The following CLCA1 variants were observed in gnomAD, a reference collection of about 807,000 sequenced individuals.
CLCA1 encodes calcium-activated chloride channel regulator 1.
A neutral mutation model predicts 85.6 loss-of-function variants in CLCA1; 59 were observed. That is an observed-to-expected ratio of 0.69 (90% CI 0.56 to 0.86). CLCA1 has a LOEUF of 0.86. CLCA1 is among the 40% of genes least tolerant of loss of function. CLCA1 has a pLI of 0.00. For synonymous variants in CLCA1, 396 were observed against 398.3 expected, an observed-to-expected ratio of 0.99 and a Z score of 0.07; for missense variants, 1,022 against 1,101.4, an observed-to-expected ratio of 0.93 and a Z score of 1.02.
rs1647933155 is a variant in CLCA1, at chr1:86,485,329, A to T, written c.736-14A>T. On this transcript the variant is annotated splice_polypyrimidine_tract_variant and intron_variant, in intron 5 of 13. Transcript: ENST00000394711. ...AGTTTACCATTATCTATATAATTTC[A>T]TTGACAATTTCAGATAGTTGAATTC... The T allele has an allele frequency of 1.3e-6, 2 of 1,583,126 alleles. No homozygotes were observed. The highest frequency in any genetic ancestry group is 4.5e-5 in the East Asian group (2 of 44,640).
At chr1:86,494,567 T>A in intron 11 of CLCA1, 119 bp downstream of exon 11, 1 of 1,049,620 alleles carries the variant, frequency 9.5e-7, no homozygotes, top group Non-Finnish European at 1.4e-6. Flanking sequence ...AGCACTGAGG[T>A]CTGGTTGGGA....
At chr1:86,480,775 A>G (rs555632510) in intron 4 of CLCA1, among the ~76,000 whole-genome samples, 1 of 152,322 alleles carries the variant, frequency 6.6e-6, no homozygotes, top group Non-Finnish European at 1.5e-5. Context: ...GCTCTCACAG[A>G]TGGTTGTTAG....
chr1:86,486,956 G>A (rs1647998507), intron 7 of CLCA1, among the ~76,000 whole-genome samples: 1 of 152,212 alleles, frequency 6.6e-6, no homozygotes, highest in African/African-American at 2.4e-5. Flanking sequence ...TAAGGTCTCA[G>A]AACCTTGCAG....
chr1:86,479,354 G>A (rs1647758489), intron 4 of CLCA1, among the ~76,000 whole-genome samples: 1 of 152,126 alleles, frequency 6.6e-6, no homozygotes, highest in Non-Finnish European at 1.5e-5. Flanking sequence ...TTCTCAAGGG[G>A]TTAAAAGAAA....
rs1648190649 is a variant in CLCA1 at position 86,493,469 on chromosome 1, TG to T, written c.1551del (p.Leu517PhefsTer27). ...GACAGCACCGTGGGAAAGGACACTT[TG>T]TTTCTTATCACCTGGACAATGCAGC... ...IVDSTVGKDT[L>X]FLITWTMQPP... On this transcript the variant is annotated frameshift_variant, in exon 10 of 14. Transcript: ENST00000394711. LOFTEE classifies it high-confidence loss of function. 6.2e-7 allele frequency: 1 copy of T among 1,613,958 alleles called. No homozygotes were observed. Among genetic ancestry groups the T allele is most frequent in the African/African-American group, 1.3e-5 (1 of 74,918 alleles).
intron 1 of CLCA1, among the ~76,000 whole-genome samples, chr1:86,473,115 T>C (rs1456073321): frequency 6.6e-6 from 1 of 152,212 alleles, no homozygotes; most frequent in East Asian, 1.9e-4. Context: ...TATTCCATTT[T>C]GTTAATGGGA....
intron 5 of CLCA1, 117 bp downstream of exon 5, chr1:86,482,499 A>C (rs1003892836): frequency 2.1e-6 from 2 of 970,522 alleles, no homozygotes; most frequent in African/African-American, 1.6e-5. Flanking sequence ...GCAGTGGATT[A>C]TCTCTGGGAC....
chr1:86,476,623 C>T (rs1192738259), intron 4 of CLCA1, 70 bp downstream of exon 4: 2 of 706,148 alleles, frequency 2.8e-6, no homozygotes, highest in East Asian at 5.5e-5. Flanking sequence ...GAATTGATTA[C>T]TTTAAAAAAT....
chr1:86,490,631 G>A (rs5744386), intron 8 of CLCA1, among the ~76,000 whole-genome samples: 3,199 of 152,064 alleles, frequency 0.021, 118 homozygotes, highest in African/African-American at 0.066. Context: ...TAAAAGTGCA[G>A]GACCTTTAAT....
rs570108676 is a variant in CLCA1 at position 86,498,730 on chromosome 1, G to A, written c.2272G>A (p.Asp758Asn). 2.7e-5 allele frequency: 43 copies of A among 1,614,042 alleles called. No homozygotes were observed. The highest frequency in any genetic ancestry group is 6.7e-5 in the East Asian group (3 of 44,880). ...TCTCTTCCCACCTGGCCAAATCACC[G>A]ACCTGAAGGCGGAAATTCACGGGGG... ...PDLFPPGQITDLKAEIHGGSL... is the reference protein window; with the variant it reads ...PDLFPPGQITNLKAEIHGGSL... Residue 758 changes from aspartate to asparagine, a missense_variant, in exon 13 of 14, where the codon GAC becomes AAC. Physicochemically the swap from Asp to Asn is conservative, Grantham distance 23. Coordinates refer to ENST00000394711, the MANE Select transcript of CLCA1 (RefSeq NM_001285.4).
At chr1:86,484,604 C>A (rs1192104075) in intron 5 of CLCA1, among the ~76,000 whole-genome samples, 1 of 152,080 alleles carries the variant, frequency 6.6e-6, no homozygotes, top group Admixed American at 6.6e-5. Flanking sequence ...AGAGAGGAAA[C>A]AAGATGGAAA....
At chr1:86,491,752 T>G (rs1284028622) in intron 9 of CLCA1, among the ~76,000 whole-genome samples, 1 of 152,240 alleles carries the variant, frequency 6.6e-6, no homozygotes, top group Non-Finnish European at 1.5e-5. Context: ...ATTACTTGCT[T>G]TATTTTTCCA....
At chr1:86,486,499 C>A in intron 6 of CLCA1, 27 bp from the exon 7 acceptor site, 1 of 1,603,556 alleles carries the variant, frequency 6.2e-7, no homozygotes, top group Non-Finnish European at 8.5e-7. Context: ...TAAACGTAAC[C>A]TGTTTTTCTT....
intron 9 of CLCA1, among the ~76,000 whole-genome samples, chr1:86,491,718 A>G (rs1196955448): frequency 6.6e-6 from 1 of 152,174 alleles, no homozygotes; most frequent in Admixed American, 6.5e-5. Context: ...TCAATTACAA[A>G]TTTTCTGGGA....
At position 86,499,841 on chromosome 1, in the gene CLCA1, T is replaced by C. The variant is rs1370323242; in HGVS notation, c.2541T>C (p.Val847=). The C allele has an allele frequency of 6.2e-7, 1 of 1,613,538 alleles. No individual in the cohort carries two copies. The highest frequency in any genetic ancestry group is 2.2e-5 in the East Asian group (1 of 44,884). The change falls in exon 14 of 14, where the codon GTT becomes GTC. Residue 847 remains valine, a synonymous_variant. Transcript: ENST00000394711. The part of the protein sequence containing the change: ...GTDLFIAIQA[V]DKVDLKSEIS... ...ATCTTTTCATTGCTATTCAGGCTGT[T>C]GATAAGGTCGATCTGAAATCAGAAA...
At chr1:86,486,812 C>A in intron 7 of CLCA1, 59 bp downstream of exon 7, 3 of 1,477,032 alleles carry the variant, frequency 2.0e-6, no homozygotes, top group South Asian at 1.2e-5. Flanking sequence ...GCTTAACAAA[C>A]TTCCATTTCC....
chr1:86,473,602 A>G (rs761800040), intron 2 of CLCA1, 45 bp downstream of exon 2: 2 of 1,517,658 alleles, frequency 1.3e-6, no homozygotes, highest in Admixed American at 2.0e-5. Flanking sequence ...TTCTCCTGTA[A>G]CCAAGATTTT....
At position 86,476,654 on chromosome 1, in the gene CLCA1, T is replaced by G. The variant is rs1021870332; in HGVS notation, c.557+101T>G. 3 of 542,974 alleles carry G rather than the reference T, an allele frequency of 5.5e-6. No individual in the cohort carries two copies. In the African/African-American group the frequency reaches 5.7e-5, roughly 10 times the overall value. The allele number at this position is 542,974 out of a possible 1,614,324, so 33.6% of individuals were successfully genotyped here. On this transcript the variant is annotated intron_variant, in intron 4 of 13. Coordinates refer to ENST00000394711, the MANE Select transcript of CLCA1 (RefSeq NM_001285.4). ...AAAATGTGTGTCCTGGCTTATTTTC[T>G]AATTCAAATTCATTCTTAGTGCCTT...
chr1:86,480,742 A>T (rs569898598), intron 4 of CLCA1, among the ~76,000 whole-genome samples: 21 of 152,350 alleles, frequency 1.4e-4, no homozygotes, highest in African/African-American at 5.1e-4. Context: ...ATTGTCTAGT[A>T]AGTTATTGTC....
Sources: gnomAD v4.1 joint callset for allele counts (sites outside exome capture counted in the v4.1 genomes callset) on GRCh38, gnomAD v4.1.1 for gene constraint, MANE v1.5 for transcripts, NCBI Gene and HGNC (gene_info 2026-07-23, HGNC 2026-07-21) for gene names.